Variants in NPC1 observed in about 807,000 individuals in gnomAD.
NPC1 encodes Niemann-Pick C1 protein.
Under a neutral mutation model 140.4 loss-of-function variants are expected in NPC1, and 85 were observed. The ratio of observed to expected loss-of-function variants is 0.61; its 90% CI spans 0.51 to 0.72. The LOEUF is 0.72. Among genes scored for constraint, NPC1 ranks in the 30% least tolerant of loss-of-function variants. The pLI, the probability that NPC1 is intolerant of heterozygous loss-of-function variation, is 0.00. For missense variants in NPC1, 1,504 were observed against 1,623.8 expected, an observed-to-expected ratio of 0.93 and a Z score of 1.27; for synonymous variants, 656 against 624.8, an observed-to-expected ratio of 1.05 and a Z score of -0.74.
rs1280229585 is a variant in NPC1, at chr18:23,531,467, G to C, written c.*735C>G. 2 of 1,340,142 alleles carry C rather than the reference G, an allele frequency of 1.5e-6. No homozygotes were observed. Among genetic ancestry groups the C allele is most frequent in the Non-Finnish European group, 1.9e-6 (2 of 1,045,780 alleles). The allele number at this position is 1,340,142 out of a possible 1,614,324, so 83.0% of individuals were successfully genotyped here. ...TCTCTTCCATTTAGCTTTTGTATTT[G>C]TCTCTCAAAGCAGATAGGGTAACCC... On this transcript the variant is annotated 3_prime_UTR_variant, in exon 25 of 25. Coordinates refer to ENST00000269228, the MANE Select transcript of NPC1 (RefSeq NM_000271.5).
rs1598869861 is a variant in NPC1, at chr18:23,516,546, T to C, written c.432-9904A>G. Reference sequence around the variant, plus strand: ...CTAGAACACATAAGGAGGACTCCCCTTGTTCTGGGTATTCAGTGTATAGGT... The same window carrying C: ...CTAGAACACATAAGGAGGACTCCCCCTGTTCTGGGTATTCAGTGTATAGGT... On this transcript the variant is annotated intron_variant, in intron 3 of 3. Transcript: ENST00000591107. 4.3e-6 allele frequency: 4 copies of C among 920,038 alleles called. No homozygotes were observed. The East Asian group carries it at 1.0e-4, about 24-fold the overall frequency. The allele number at this position is 920,038 out of a possible 1,614,324, so 57.0% of individuals were successfully genotyped here.
chr18:23,527,222 A>AC (rs2058327046), downstream of NPC1, among the ~76,000 whole-genome samples: 1 of 124,538 alleles, frequency 8.0e-6, no homozygotes, highest in African/African-American at 3.9e-5. Flanking sequence ...CCCTGTCTCT[A>AC]CAAAAAAAAA....
intron 3 of NPC1, chr18:23,508,102 T>G: frequency 6.7e-7 from 1 of 1,483,770 alleles, no homozygotes; most frequent in Middle Eastern, 1.9e-4. Context: ...GGTTATGTAG[T>G]GGAGAGCGGG....
At chr18:23,529,539 T>G (rs1476222065), downstream of NPC1, 4 of 1,309,072 alleles carry the variant, frequency 3.1e-6, no homozygotes, top group East Asian at 9.2e-5. Context: ...CTGGGCCATT[T>G]TAAGATGGAA....
Position 23,561,469 on chromosome 18 carries a change from T to A in NPC1, c.522A>T (p.Gly174=), listed in dbSNP as rs201249935. 1 of 1,613,760 alleles carries A rather than the reference T, an allele frequency of 6.2e-7. No individual in the cohort carries two copies. Among genetic ancestry groups the A allele is most frequent in the Non-Finnish European group, 8.5e-7 (1 of 1,179,982 alleles). ...CGTCAGCGTCCTTCCCACACAGGAG[T>A]CCCAGGGCCTTGTCATTACTTGAGG... is the stretch of plus-strand genomic sequence containing the variant. The part of the protein sequence containing the change: ...EAPSSNDKAL[G]LLCGKDADAC... The change falls in exon 5 of 25, where the codon GGA becomes GGT. Residue 174 remains glycine (G), a synonymous_variant. Transcript: ENST00000269228.
rs201156397 is a variant in NPC1 at position 23,548,091 on chromosome 18, C to A, written c.1672G>T (p.Ala558Ser). The A allele has an allele frequency of 6.8e-6, 11 of 1,608,454 alleles. No homozygotes were observed. The highest frequency in any genetic ancestry group is 9.4e-6 in the Non-Finnish European group (11 of 1,175,230). The change falls in exon 11 of 25, where the codon GCC becomes TCC. Residue 558 changes from alanine to serine, a missense_variant. Ala to Ser is a moderately conservative substitution (Grantham distance 99). Transcript: ENST00000269228. ...GGYDDQNYNN[A>S]TALVITFPVN... ...GGGAAGGTAATCACAAGGGCAGTGG[C>A]GTTATTGTAGTTTTGATCTAGAAAG...
At chr18:23,565,721 ATTGTT>A (rs1457390146) in intron 4 of NPC1, among the ~76,000 whole-genome samples, 1 of 152,182 alleles carries the variant, frequency 6.6e-6, no homozygotes, top group African/African-American at 2.4e-5. Context: ...AGTAAATGGA[ATTGTT>A]TTATTTTCAC....
downstream of NPC1, among the ~76,000 whole-genome samples, chr18:23,517,865 A>G (rs776333572): frequency 2.0e-5 from 3 of 152,094 alleles, no homozygotes; most frequent in Non-Finnish European, 4.4e-5. Context: ...CTACAGGCGC[A>G]TGCCACCACA....
At chr18:23,583,241 A>C (rs1039178751) in intron 1 of NPC1, among the ~76,000 whole-genome samples, 1 of 152,126 alleles carries the variant, frequency 6.6e-6, no homozygotes, top group African/African-American at 2.4e-5. Context: ...TGTCTTTCAC[A>C]AGCATAGTTG....
At chr18:23,553,082 C>T (rs996059183) in intron 9 of NPC1, among the ~76,000 whole-genome samples, 2 of 152,198 alleles carry the variant, frequency 1.3e-5, no homozygotes, top group African/African-American at 4.8e-5. Context: ...TATGAGGACG[C>T]GCACAAGCAT....
downstream of NPC1, among the ~76,000 whole-genome samples, chr18:23,527,531 C>T (rs1292573433): frequency 3.4e-5 from 5 of 149,176 alleles, no homozygotes; most frequent in South Asian, 2.2e-4. Context: ...CCTTCTGCCT[C>T]GGCCTACCCA....
intron 4 of NPC1, among the ~76,000 whole-genome samples, chr18:23,562,316 A>T (rs2145489249): frequency 6.6e-6 from 1 of 151,974 alleles, no homozygotes; most frequent in South Asian, 2.1e-4. Context: ...AAACAAAAAA[A>T]ACCCCTAATA....
intron 24 of NPC1, chr18:23,533,086 A>G (rs1442610949): frequency 6.2e-6 from 4 of 646,366 alleles, no homozygotes; most frequent in East Asian, 4.5e-5. Context: ...ACTCAGATCC[A>G]TTCAAGGACT....
chr18:23,582,371 A>G (rs1382014050), intron 1 of NPC1, among the ~76,000 whole-genome samples: 1 of 152,256 alleles, frequency 6.6e-6, no homozygotes, highest in East Asian at 1.9e-4. Context: ...GGCACAGTCC[A>G]GATGAAGAAA....
intron 3 of NPC1, among the ~76,000 whole-genome samples, chr18:23,514,376 G>A (rs548294889): frequency 5.2e-4 from 79 of 152,238 alleles, no homozygotes; most frequent in African/African-American, 1.5e-3. Flanking sequence ...ACTAAGTGCC[G>A]TCTCTACTGT....
chr18:23,538,467 C>T (rs1251753896), intron 20 of NPC1, 75 bp downstream of exon 20: 14 of 1,568,318 alleles, frequency 8.9e-6, no homozygotes, highest in Non-Finnish European at 1.1e-5. Context: ...ACTGTCTTAG[C>T]CCAGTCCTCT....
At chr18:23,530,890 G>T (rs1031256910), downstream of NPC1, among the ~76,000 whole-genome samples, 2 of 152,176 alleles carry the variant, frequency 1.3e-5, no homozygotes, top group Non-Finnish European at 2.9e-5. Context: ...GCAGATCTTG[G>T]AATATCTCTT....
intron 24 of NPC1, 136 bp from the exon 25 acceptor site, chr18:23,532,420 AGT>A (rs1272271983): frequency 8.8e-6 from 8 of 912,510 alleles, no homozygotes; most frequent in Admixed American, 1.8e-5. Flanking sequence ...TGGACAACAG[AGT>A]GAGACCACAT....
intron 3 of NPC1, chr18:23,507,055 G>T: frequency 6.3e-7 from 1 of 1,586,208 alleles, no homozygotes; most frequent in Non-Finnish European, 8.6e-7. Flanking sequence ...AAAGACTGTG[G>T]TAAGACTTAT....
Sources: gnomAD v4.1 joint callset for allele counts (sites outside exome capture counted in the v4.1 genomes callset) on GRCh38, gnomAD v4.1.1 for gene constraint, MANE v1.5 for transcripts, NCBI Gene and HGNC (gene_info 2026-07-23, HGNC 2026-07-21) for gene names.